Variants in KAT6A observed in about 807,000 individuals in gnomAD.
KAT6A encodes the protein histone acetyltransferase KAT6A.
Under a neutral mutation model 198.4 loss-of-function variants are expected in KAT6A, and 9 were observed. The observed-to-expected ratio is 0.05, with a 90% CI of 0.03 to 0.08. The LOEUF (loss-of-function observed/expected upper bound fraction) is 0.08. KAT6A is among the 10% of genes least tolerant of loss of function. KAT6A has a pLI of 1.00. For synonymous variants in KAT6A, 890 were observed against 883.0 expected (o/e 1.01, Z -0.14); for missense variants, 2,077 against 2,509.9 (o/e 0.83, Z 3.69).
chr8:41,943,034 A>G (rs1587722285), intron 13 of KAT6A, 34 bp from the exon 14 acceptor site: 1 of 1,612,290 alleles, frequency 6.2e-7, no homozygotes. Context: ...GCAATCAACA[A>G]TGTACAAGGT....
In KAT6A at chr8:41,932,591, G is replaced by A. The variant is rs772414652; in HGVS notation, c.5629C>T (p.Arg1877Cys). Residue 1877 changes from arginine to cysteine, a missense_variant, in exon 17 of 17, where the codon CGT becomes TGT. This residue lies in a region of KAT6A where 500 missense variants were observed against 577.2 expected (regional missense o/e 0.87). Transcript: ENST00000265713. ...TGCATGGCAACTGCCGATGGGCTAC[G>A]GCCATACAGCTGCTGCTGGTGAGCA... ...AAAHQQQLYG[R>C]SPSAVAMQAG... The A allele has an allele frequency of 3.0e-5, 48 of 1,614,056 alleles. No individual in the cohort carries two copies. The highest frequency in any genetic ancestry group is 1.8e-4 in the South Asian group (16 of 91,084).
chr8:42,025,204 T>G (rs764835741), intron 2 of KAT6A, among the ~76,000 whole-genome samples: 4 of 116,186 alleles, frequency 3.4e-5, no homozygotes, highest in South Asian at 7.0e-4. Context: ...GATGCTGAGG[T>G]TTTTTTTTGT....
Position 42,041,214 on chromosome 8 carries a change from CTG to C in KAT6A, c.600+7162_600+7163del, listed in dbSNP as rs751251880. On this transcript the variant is annotated intron_variant, in intron 2 of 16. Transcript: ENST00000265713. ...TCTCAAAAAAAAAAAAAAAAAAAAACTGTGCAGCTGATTGTACTTAAACAGAT... is the reference window on the plus strand; with the variant it reads ...TCTCAAAAAAAAAAAAAAAAAAAAACTGCAGCTGATTGTACTTAAACAGAT... 2.6e-3 allele frequency among the ~76,000 whole-genome samples: 360 copies of C among 138,382 alleles called. 1 individual carries two copies. The highest frequency in any genetic ancestry group is 4.3e-3 in the Non-Finnish European group (276 of 64,700). The allele number at this position is 138,382 out of a possible 152,430, so 90.8% of individuals were successfully genotyped here.
chr8:41,995,674 C>CT (rs10710765), intron 2 of KAT6A, among the ~76,000 whole-genome samples: 245 of 103,060 alleles, frequency 2.4e-3, no homozygotes, highest in Middle Eastern at 0.011. Context: ...ATTTTCATTT[C>CT]TTTTTTTTTT....
At position 41,933,268 on chromosome 8, in the gene KAT6A, GGCT is replaced by G. The variant is rs542184116; in HGVS notation, c.4949_4951del (p.Gln1650del). ...TGGCTGCTGTGGAGGCGGTGGTGGC[GGCT>G]GCTGCTGCTGGTTACTGGGAGGCCT... On this transcript the variant is annotated inframe_deletion, in exon 17 of 17. Coordinates refer to ENST00000265713, the MANE Select transcript of KAT6A (RefSeq NM_006766.5). This position sits in a 1 kb window ranked among gnomAD's most constrained non-coding sequence, Gnocchi z 6.2. 15 of 1,565,092 alleles carry G rather than the reference GGCT, an allele frequency of 9.6e-6. No individual in the cohort carries two copies. The highest frequency in any genetic ancestry group is 3.6e-5 in the Admixed American group (2 of 56,244).
intron 2 of KAT6A, among the ~76,000 whole-genome samples, chr8:42,043,849 C>A (rs1827780811): frequency 6.6e-6 from 1 of 152,152 alleles, no homozygotes; most frequent in South Asian, 2.1e-4. Flanking sequence ...TTACTGAAAT[C>A]TCTTTTATGC....
intron 4 of KAT6A, 54 bp downstream of exon 4, chr8:41,981,785 T>C (rs981219547): frequency 1.0e-5 from 11 of 1,061,678 alleles, no homozygotes; most frequent in Non-Finnish European, 1.6e-5. Flanking sequence ...AAAATGCTGG[T>C]CGTACATTCT....
rs937856651 is a variant in KAT6A at position 41,930,098 on chromosome 8, G to A, written c.*2107C>T. ...GTTCTACAGTCACAAAGAGGCTTGT[G>A]GAAAAGGGAGCTGCCCGATTGAATT... On this transcript the variant is annotated 3_prime_UTR_variant, in exon 17 of 17. Coordinates refer to ENST00000265713, the MANE Select transcript of KAT6A (RefSeq NM_006766.5). The A allele has an allele frequency of 8.6e-6, 2 of 231,456 alleles. No individual in the cohort carries two copies. The highest frequency in any genetic ancestry group is 4.4e-5 in the African/African-American group (2 of 45,134). 14.3% of individuals were successfully genotyped at this position (231,456 alleles called of 1,614,324 possible).
chr8:41,988,663 A>C (rs1395183043), intron 2 of KAT6A, among the ~76,000 whole-genome samples: 1 of 152,340 alleles, frequency 6.6e-6, no homozygotes, highest in East Asian at 1.9e-4. Flanking sequence ...TGGGCTTAAA[A>C]CCAGTTTTGA....
chr8:42,022,678 C>T (rs942410523), intron 2 of KAT6A, among the ~76,000 whole-genome samples: 12 of 152,078 alleles, frequency 7.9e-5, no homozygotes, highest in African/African-American at 2.7e-4. Flanking sequence ...AATTATAACG[C>T]CATAACACTC....
intron 2 of KAT6A, among the ~76,000 whole-genome samples, chr8:42,021,594 C>CT (rs1299002950): frequency 9.2e-5 from 14 of 152,244 alleles, no homozygotes; most frequent in African/African-American, 3.4e-4. Flanking sequence ...ATACTCTTAA[C>CT]TCAAGTCCTA....
intron 2 of KAT6A, 24 bp downstream of exon 2, chr8:42,048,354 C>T: frequency 1.2e-6 from 2 of 1,608,246 alleles, no homozygotes; most frequent in Non-Finnish European, 1.7e-6. Context: ...GCTCTATAAA[C>T]CCCGAAGCAT....
chr8:41,977,259 G>C lies in KAT6A; in HGVS notation c.1112C>G (p.Ser371Cys), dbSNP rs1245260683. The C allele has an allele frequency of 2.5e-6, 4 of 1,614,192 alleles. No individual in the cohort carries two copies. Among genetic ancestry groups the C allele is most frequent in the Non-Finnish European group, 2.5e-6 (3 of 1,180,022 alleles). ...GRGRKRKITL[S>C]SQSASSSSEE... ...TGATGATGATGATGCTGATTGGCTG[G>C]AAAGAGTGATTTTTCGTTTCCTACC... is the stretch of plus-strand genomic sequence containing the variant. The change falls in exon 7 of 17, where the codon TCC (serine) becomes TGC (cysteine). Residue 371 changes from serine to cysteine, a missense_variant. Around this residue, in one of 13 missense-constraint regions of KAT6A, gnomAD observed 206 missense variants for 214.9 expected, o/e 0.96. Transcript: ENST00000265713.
At chr8:41,958,254 G>C (rs1286305288) in intron 8 of KAT6A, 1 of 152,180 alleles carries the variant, frequency 6.6e-6, no homozygotes, top group East Asian at 1.9e-4. Context: ...TCATGTTCGT[G>C]GAGCACCTAT....
chr8:42,027,733 T>C (rs1826898573), intron 2 of KAT6A, among the ~76,000 whole-genome samples: 2 of 152,108 alleles, frequency 1.3e-5, no homozygotes, highest in South Asian at 2.1e-4. Context: ...TTAAAAAACT[T>C]TTCATTTTGT....
At chr8:41,999,470 G>A (rs966154853) in intron 2 of KAT6A, among the ~76,000 whole-genome samples, 1 of 151,992 alleles carries the variant, frequency 6.6e-6, no homozygotes, top group Non-Finnish European at 1.5e-5. Context: ...CTCCTCCATA[G>A]ACTGACTCCC....
At chr8:42,000,448 G>A (rs1825437547) in intron 2 of KAT6A, among the ~76,000 whole-genome samples, 1 of 151,914 alleles carries the variant, frequency 6.6e-6, no homozygotes, top group Admixed American at 6.6e-5. Flanking sequence ...CTACTCTAGA[G>A]GCTGAGGCAG....
intron 3 of KAT6A, among the ~76,000 whole-genome samples, chr8:41,985,896 T>C (rs1824576731): frequency 6.6e-6 from 1 of 152,158 alleles, no homozygotes; most frequent in Non-Finnish European, 1.5e-5. Context: ...ATAATGCTGG[T>C]TTGCTAAGGC....
At position 41,932,156 on chromosome 8, in the gene KAT6A, G is replaced by A; in HGVS notation, c.*49C>T. On this transcript the variant is annotated 3_prime_UTR_variant, in exon 17 of 17. Transcript: ENST00000265713. Reference sequence around the variant, plus strand: ...TTTCTCTGGTTTGTCAGTATAAAAGGTTCCTTTATTTATATATATTTAAGT... The same window carrying A: ...TTTCTCTGGTTTGTCAGTATAAAAGATTCCTTTATTTATATATATTTAAGT... 1 of 1,424,002 alleles carries A rather than the reference G, an allele frequency of 7.0e-7. No homozygotes were observed. The highest frequency in any genetic ancestry group is 9.3e-7 in the Non-Finnish European group (1 of 1,080,774). 88.2% of individuals were successfully genotyped at this position (1,424,002 alleles called of 1,614,324 possible). A position where few individuals can be genotyped will look rare whatever the true frequency, so the allele number is the denominator to read the frequency against.
Sources: allele counts gnomAD v4.1 joint callset (sites outside exome capture counted in the v4.1 genomes callset), GRCh38; gene constraint gnomAD v4.1.1; regional missense constraint gnomAD v4.1.1; non-coding constraint Gnocchi (gnomAD v3.1); transcripts MANE v1.5; gene names NCBI Gene and HGNC (gene_info 2026-07-23, HGNC 2026-07-21).